The following CFAP298 variants were observed in gnomAD, a reference collection of about 807,000 sequenced individuals.
The protein encoded by CFAP298 is cilia- and flagella-associated protein 298.
CFAP298 carries 38 observed loss-of-function variants against 41.0 expected under a neutral mutation model. That is an observed-to-expected ratio of 0.93 (90% CI 0.72 to 1.22). CFAP298 has a LOEUF of 1.22. CFAP298 is among the 50% of genes most tolerant of loss of function. The pLI, the probability that CFAP298 is intolerant of heterozygous loss-of-function variation, is 0.00. For synonymous variants in CFAP298, 137 were observed against 135.3 expected (o/e 1.01, Z -0.09); for missense variants, 348 against 360.3 (o/e 0.97, Z 0.28).
At chr21:32,610,153 G>A (rs980851328) in intron 1 of CFAP298, 148 bp from the exon 2 acceptor site, 1 of 713,066 alleles carries the variant, frequency 1.4e-6, no homozygotes, top group African/African-American at 1.8e-5. Context: ...GCCAGACCTG[G>A]CCTGGGCCTT....
chr21:32,604,031 G>T, intron 4 of CFAP298, 94 bp downstream of exon 4: 1 of 1,267,826 alleles, frequency 7.9e-7, no homozygotes, highest in Non-Finnish European at 1.1e-6. Flanking sequence ...TGTGTAGGGA[G>T]CAAAACACTA....
chr21:32,611,824 C>G (rs1264343646), intron 1 of CFAP298, among the ~76,000 whole-genome samples: 1 of 152,156 alleles, frequency 6.6e-6, no homozygotes, highest in Non-Finnish European at 1.5e-5. Flanking sequence ...TTTCGGCTCC[C>G]TCCTCCCTCC....
intron 2 of CFAP298, 67 bp downstream of exon 2, chr21:32,609,771 A>C: frequency 6.9e-7 from 1 of 1,458,850 alleles, no homozygotes. Flanking sequence ...TCAAAAAAAA[A>C]AAAAGGAACT....
intron 1 of CFAP298, among the ~76,000 whole-genome samples, chr21:32,610,305 C>T (rs1282807416): frequency 6.6e-6 from 1 of 152,074 alleles, no homozygotes; most frequent in Non-Finnish European, 1.5e-5. Flanking sequence ...AGCATTGCCT[C>T]CCGGGTTCAA....
At chr21:32,608,964 G>A (rs1216201251) in intron 2 of CFAP298, among the ~76,000 whole-genome samples, 1 of 152,174 alleles carries the variant, frequency 6.6e-6, no homozygotes, top group Non-Finnish European at 1.5e-5. Context: ...TGTTTTAAAT[G>A]GCGCTTTTAA....
rs113830647 is a variant in CFAP298, at chr21:32,610,129, G to A, written c.140-124C>T. On this transcript the variant is annotated intron_variant, in intron 1 of 6. Transcript: ENST00000290155. ...TATTTTATGGAACAAACATTTATATGCCACTTGCTATGTGCCAGACCTGGC... is the reference window on the plus strand; with the variant it reads ...TATTTTATGGAACAAACATTTATATACCACTTGCTATGTGCCAGACCTGGC... 1.8e-4 allele frequency: 155 copies of A among 839,872 alleles called. No homozygotes were observed. In the African/African-American group the frequency reaches 2.2e-3, roughly 12 times the overall value. The allele number at this position is 839,872 out of a possible 1,614,324, so 52.0% of individuals were successfully genotyped here.
rs540636303 is a variant in CFAP298, at chr21:32,601,934, G to A, written c.802C>T (p.Pro268Ser). The change falls in exon 7 of 7, where the codon CCA (proline) becomes TCA (serine). Residue 268 changes from proline (P) to serine (S), a missense_variant. Coordinates refer to ENST00000290155, the MANE Select transcript of CFAP298 (RefSeq NM_021254.4). ...ENDDDAYLNS[P>S]WADNTALKRH... The stretch of plus-strand genomic sequence containing the variant: ...TTCAAAGCAGTGTTATCCGCCCATG[G>A]TGAGTTTAAATAGGCATCATCATCA... 1.5e-5 allele frequency: 24 copies of A among 1,612,450 alleles called. No homozygotes were observed. Among genetic ancestry groups the A allele is most frequent in the Middle Eastern group, 1.7e-4 (1 of 6,058 alleles).
rs1027220406 is a variant in CFAP298, at chr21:32,602,431, T to C, written c.667-64A>G. On this transcript the variant is annotated intron_variant, in intron 5 of 6. Coordinates refer to ENST00000290155, the MANE Select transcript of CFAP298 (RefSeq NM_021254.4). ...GTTCTTAGAGTGACAATCCTGAAGT[T>C]ACAACAAATGTTTTACGATTGCCTT... 43 of 1,564,224 alleles carry C rather than the reference T, an allele frequency of 2.7e-5. No individual in the cohort carries two copies. The African/African-American group carries it at 5.7e-4, about 21-fold the overall frequency.
chr21:32,602,174 C>T (rs967334290), intron 6 of CFAP298, 98 bp downstream of exon 6: 46 of 1,213,450 alleles, frequency 3.8e-5, no homozygotes, highest in Non-Finnish European at 4.9e-5. Flanking sequence ...CCCTCCCCGG[C>T]ATTCTGCAGA....
intron 5 of CFAP298, chr21:32,602,665 C>G: frequency 7.9e-7 from 1 of 1,261,260 alleles, no homozygotes; most frequent in Non-Finnish European, 1.0e-6. Flanking sequence ...GAGCCACGGA[C>G]TCTGGATCTA....
Position 32,612,341 on chromosome 21 carries a change from C to T in CFAP298, c.-98G>A, listed in dbSNP as rs903397915. 5.5e-6 allele frequency: 8 copies of T among 1,452,478 alleles called. No homozygotes were observed. In the South Asian group the frequency reaches 7.2e-5, roughly 13 times the overall value. The allele number at this position is 1,452,478 out of a possible 1,614,324, so 90.0% of individuals were successfully genotyped here. A position where few individuals can be genotyped will look rare whatever the true frequency, so the allele number is the denominator to read the frequency against. On this transcript the variant is annotated 5_prime_UTR_variant, in exon 1 of 7. Transcript: ENST00000290155. ...GTCGCCGGATCGCCAGCAGCTGCGA[C>T]GCACTAACAGCCGCTCACAGTCCGG...
intron 1 of CFAP298, among the ~76,000 whole-genome samples, chr21:32,610,991 T>G (rs1002041057): frequency 6.6e-6 from 1 of 152,100 alleles, no homozygotes; most frequent in Non-Finnish European, 1.5e-5. Flanking sequence ...CTCGCTCCAC[T>G]TGGCGATTTA....
intron 3 of CFAP298, 43 bp from the exon 4 acceptor site, chr21:32,604,326 C>T: frequency 1.9e-6 from 3 of 1,609,376 alleles, no homozygotes; most frequent in Non-Finnish European, 2.6e-6. Context: ...TGGCTAATCA[C>T]TTCCATAAAT....
intron 2 of CFAP298, among the ~76,000 whole-genome samples, chr21:32,608,141 G>A (rs2146564894): frequency 6.6e-6 from 1 of 151,146 alleles, no homozygotes; most frequent in African/African-American, 2.4e-5. Context: ...ATTTACAATA[G>A]GCAGCTGGCT....
chr21:32,603,224 C>T lies in CFAP298; in HGVS notation c.603G>A (p.Thr201=), dbSNP rs753679837. The part of the protein sequence containing the change: ...LWWAAKELRR[T]KKLSDYVGKN... ...TCCCCACGTAGTCTGAAAGCTTCTT[C>T]GTTCTTCTCAGCTCCTTGGCTGCCC... The change falls in exon 5 of 7, where the codon ACG becomes ACA. Residue 201 remains threonine, a synonymous_variant. Transcript: ENST00000290155. 4 of 1,614,166 alleles carry T rather than the reference C, an allele frequency of 2.5e-6. No homozygotes were observed. The highest frequency in any genetic ancestry group is 2.2e-5 in the East Asian group (1 of 44,876).
chr21:32,602,100 G>A (rs1230656075), intron 6 of CFAP298, 127 bp from the exon 7 acceptor site: 29 of 854,210 alleles, frequency 3.4e-5, no homozygotes, highest in Non-Finnish European at 1.9e-5. Flanking sequence ...ATACTGCCAT[G>A]TCTAACACCA....
Position 32,611,341 on chromosome 21 carries a change from T to TATATATATATATATATATA in CFAP298, c.139+763_139+764insTATATATATATATATATAT, listed in dbSNP as rs1491095261. The stretch of plus-strand genomic sequence containing the variant: ...ACCATATATATATATATATATATAA[T>TATATATATATATATATATA]TTATTTATATTTATATATACATATA... On this transcript the variant is annotated intron_variant, in intron 1 of 6. Transcript: ENST00000290155. 9.7e-4 allele frequency among the ~76,000 whole-genome samples: 115 copies of TATATATATATATATATATA among 118,354 alleles called. 3 individuals carry two copies. The highest frequency in any genetic ancestry group is 3.7e-3 in the African/African-American group (90 of 24,466). The allele number at this position is 118,354 out of a possible 152,430, so 77.6% of individuals were successfully genotyped here.
chr21:32,609,707 G>A, intron 2 of CFAP298, 131 bp downstream of exon 2: 1 of 737,344 alleles, frequency 1.4e-6, no homozygotes, highest in Admixed American at 3.0e-5. Flanking sequence ...AGAGGTGGCA[G>A]TGAGCTGAGA....
rs1327035712 is a variant in CFAP298 at position 32,612,101 on chromosome 21, G to A, written c.139+4C>T. ...TCCGGGATGGGCCCACCCGCGAGCCGCACCTGAGCAGAGGCGCTGCACCTT... is the reference window on the plus strand; with the variant it reads ...TCCGGGATGGGCCCACCCGCGAGCCACACCTGAGCAGAGGCGCTGCACCTT... On this transcript the variant is annotated splice_donor_region_variant and intron_variant, in intron 1 of 6. Coordinates refer to ENST00000290155, the MANE Select transcript of CFAP298 (RefSeq NM_021254.4). 6 of 1,547,928 alleles carry A rather than the reference G, an allele frequency of 3.9e-6. No individual in the cohort carries two copies. The highest frequency in any genetic ancestry group is 2.0e-5 in the Admixed American group (1 of 50,440).
Sources: allele counts gnomAD v4.1 joint callset (sites outside exome capture counted in the v4.1 genomes callset), GRCh38; gene constraint gnomAD v4.1.1; transcripts MANE v1.5; gene names NCBI Gene and HGNC (gene_info 2026-07-23, HGNC 2026-07-21).